The following PCDH10 variants were observed in gnomAD, a reference collection of about 807,000 sequenced individuals.
The protein encoded by PCDH10 is protocadherin 10, also known as protocadherin-10.
PCDH10 carries 15 observed loss-of-function variants against 74.4 expected under a neutral mutation model. The ratio of observed to expected loss-of-function variants is 0.20; its 90% CI spans 0.13 to 0.31. PCDH10 has a LOEUF of 0.31. Among genes scored for constraint, PCDH10 ranks in the 10% least tolerant of loss-of-function variants. The pLI is 1.00. For missense variants in PCDH10, 1,260 were observed against 1,390.2 expected (o/e 0.91, Z 1.49); for synonymous variants, 619 against 589.8 (o/e 1.05, Z -0.72).
Position 133,151,426 on chromosome 4 carries a change from A to G in PCDH10, c.1286A>G (p.Tyr429Cys). 2 of 1,613,944 alleles carry G rather than the reference A, an allele frequency of 1.2e-6. No homozygotes were observed. The highest frequency in any genetic ancestry group is 1.7e-6 in the Non-Finnish European group (2 of 1,180,002). ...CTGGACCGAGAGGCGGGGGACTCCT[A>G]CACCCTGACTGTAGTGGCTCGGGAC... ...APLDREAGDS[Y>C]TLTVVARDRG... Residue 429 changes from tyrosine to cysteine, a missense_variant, in exon 1 of 5, where the codon TAC becomes TGC. This residue lies in a region of PCDH10 where 112 missense variants were observed against 123.6 expected (regional missense o/e 0.91). Coordinates refer to ENST00000264360, the MANE Select transcript of PCDH10 (RefSeq NM_032961.3).
chr4:133,173,244 G>C (rs890532622), intron 4 of PCDH10, among the ~76,000 whole-genome samples: 1 of 151,864 alleles, frequency 6.6e-6, no homozygotes, highest in African/African-American at 2.4e-5. Flanking sequence ...ATGGCTCAAG[G>C]AATTCTGAAT....
downstream of PCDH10, among the ~76,000 whole-genome samples, chr4:133,198,640 T>C (rs1039995433): frequency 1.3e-5 from 2 of 152,146 alleles, no homozygotes; most frequent in Non-Finnish European, 2.9e-5. Flanking sequence ...GGTGTACTTA[T>C]AACTTTAGAA....
chr4:133,153,002 T>G, intron 1 of PCDH10: 1 of 1,437,594 alleles, frequency 7.0e-7, no homozygotes, highest in Non-Finnish European at 9.1e-7. Flanking sequence ...CCTTGGTACT[T>G]TGCCACCTTG....
chr4:133,166,526 T>C (rs574259186), intron 4 of PCDH10, among the ~76,000 whole-genome samples: 1 of 151,600 alleles, frequency 6.6e-6, no homozygotes, highest in African/African-American at 2.4e-5. Flanking sequence ...ATAATCTCCA[T>C]AAATAAAAAT....
intron 2 of PCDH10, among the ~76,000 whole-genome samples, chr4:133,204,899 A>G (rs1041432682): frequency 4.6e-5 from 7 of 152,284 alleles, no homozygotes; most frequent in Admixed American, 4.6e-4. Flanking sequence ...TCTGCACAGG[A>G]CCACTTGGAG....
Position 133,151,493 on chromosome 4 carries a change from A to G in PCDH10, c.1353A>G (p.Val451=). Residue 451 remains valine, a synonymous_variant, in exon 1 of 5, where the codon GTA becomes GTG. Coordinates refer to ENST00000264360, the MANE Select transcript of PCDH10 (RefSeq NM_032961.3). ...PALSTSKSIQ[V]QVSDVNDNAP... is the part of the protein sequence containing the mutation. The stretch of plus-strand genomic sequence containing the variant: ...TCTCCACCAGTAAGTCGATCCAGGT[A>G]CAAGTGTCGGATGTGAACGACAACG... 6.2e-7 allele frequency: 1 copy of G among 1,613,896 alleles called. No individual in the cohort carries two copies. The highest frequency in any genetic ancestry group is 1.1e-5 in the South Asian group (1 of 91,072).
chr4:133,207,698 G>A (rs1448381449), intron 2 of PCDH10, among the ~76,000 whole-genome samples: 1 of 152,028 alleles, frequency 6.6e-6, no homozygotes, highest in African/African-American at 2.4e-5. Flanking sequence ...TATATTTGGA[G>A]AACAATATAT....
chr4:133,183,979 TA>T (rs556135872), intron 4 of PCDH10, among the ~76,000 whole-genome samples: 60 of 152,276 alleles, frequency 3.9e-4, no homozygotes, highest in African/African-American at 1.4e-3. Context: ...TCCCTGGATT[TA>T]AATTTTAATT....
chr4:133,187,623 A>G (rs1727570674), intron 4 of PCDH10, among the ~76,000 whole-genome samples: 1 of 152,118 alleles, frequency 6.6e-6, no homozygotes, highest in Non-Finnish European at 1.5e-5. Flanking sequence ...AGTAAATTTA[A>G]TAATAGGTGA....
chr4:133,154,231 TTCCTAACC>T, intron 1 of PCDH10, 68 bp from the exon 2 acceptor site: 2 of 876,076 alleles, frequency 2.3e-6, no homozygotes, highest in South Asian at 3.0e-5. Context: ...CTAGATATAG[TTCCTAACC>T]TCAAAAGTAG....
chr4:133,196,489 G>A (rs1015983792), downstream of PCDH10, among the ~76,000 whole-genome samples: 3 of 152,160 alleles, frequency 2.0e-5, no homozygotes, highest in Non-Finnish European at 2.9e-5. Context: ...ATCTCAAGCA[G>A]TGATCTTAGG....
downstream of PCDH10, among the ~76,000 whole-genome samples, chr4:133,198,764 T>C (rs1314383810): frequency 6.6e-6 from 1 of 152,234 alleles, no homozygotes; most frequent in African/African-American, 2.4e-5. Flanking sequence ...TTATTGGTTA[T>C]AGATGTTGCT....
chr4:133,175,098 T>G (rs1422314626), intron 4 of PCDH10, among the ~76,000 whole-genome samples: 1 of 152,026 alleles, frequency 6.6e-6, no homozygotes, highest in Non-Finnish European at 1.5e-5. Context: ...ACCTTTATTT[T>G]TTTCAAGGAA....
Position 133,151,071 on chromosome 4 carries a change from G to A in PCDH10, c.931G>A (p.Glu311Lys). The A allele has an allele frequency of 1.2e-6, 2 of 1,614,112 alleles. No individual in the cohort carries two copies. Among genetic ancestry groups the A allele is most frequent in the African/African-American group, 2.7e-5 (2 of 75,070 alleles). The change falls in exon 1 of 5, where the codon GAG (glutamate) becomes AAG (lysine). Residue 311 changes from glutamate to lysine, a missense_variant. Coordinates refer to ENST00000264360, the MANE Select transcript of PCDH10 (RefSeq NM_032961.3). Reference protein sequence around the residue: ...FGLSPRTGRLEVSGELDYEES... With the variant: ...FGLSPRTGRLKVSGELDYEES... The stretch of plus-strand genomic sequence containing the variant: ...ACTCTCGCCGCGCACTGGCAGACTG[G>A]AGGTAAGCGGCGAGTTGGACTATGA...
rs541753088 is a variant in PCDH10 at position 133,153,128 on chromosome 4, C to T, written c.2631+357C>T. The T allele has an allele frequency of 8.8e-6, 11 of 1,255,090 alleles. No individual in the cohort carries two copies. The South Asian group carries it at 2.5e-4, about 28-fold the overall frequency. The allele number at this position is 1,255,090 out of a possible 1,614,324, so 77.7% of individuals were successfully genotyped here. A position where few individuals can be genotyped will look rare whatever the true frequency, so the allele number is the denominator to read the frequency against. On this transcript the variant is annotated intron_variant, in intron 1 of 4. Transcript: ENST00000264360. ...TGTGGAGGAGGGACTTACTTTCTAG[C>T]ACTGGCAAAGGTCTTTTTTCTTTGC...
chr4:133,171,698 A>G (rs1727206623), intron 4 of PCDH10, among the ~76,000 whole-genome samples: 1 of 152,180 alleles, frequency 6.6e-6, no homozygotes, highest in South Asian at 2.1e-4. Context: ...TTAATGTTAC[A>G]GCTTGGCAGT....
chr4:133,176,974 C>CA lies in PCDH10; in HGVS notation c.3104-13158dup, dbSNP rs11309914. Among the ~76,000 whole-genome samples the CA allele has an allele frequency of 6.0e-5, 9 of 149,534 alleles. No individual in the cohort carries two copies. The East Asian group carries it at 9.8e-4, about 16-fold the overall frequency. ...AATAAAGGATTTCTATTTGCTCAGG[C>CA]AAAAAAAAATTAAAATAATGAAAAT... On this transcript the variant is annotated intron_variant, in intron 4 of 4. Coordinates refer to ENST00000264360, the MANE Select transcript of PCDH10 (RefSeq NM_032961.3).
intron 2 of PCDH10, among the ~76,000 whole-genome samples, chr4:133,201,681 AC>A (rs1426283335): frequency 6.6e-6 from 1 of 151,540 alleles, no homozygotes; most frequent in Non-Finnish European, 1.5e-5. Context: ...ACACAGAGAA[AC>A]CCCGTCTCTA....
chr4:133,185,192 A>G (rs987083578), intron 4 of PCDH10, among the ~76,000 whole-genome samples: 6 of 148,556 alleles, frequency 4.0e-5, no homozygotes, highest in African/African-American at 1.2e-4. Context: ...ATATAAATAT[A>G]TATATTTAAA....
Sources: gnomAD v4.1 joint callset for allele counts (sites outside exome capture counted in the v4.1 genomes callset) on GRCh38, gnomAD v4.1.1 for gene constraint, gnomAD v4.1.1 regional missense constraint, MANE v1.5 for transcripts, NCBI Gene and HGNC (gene_info 2026-07-23, HGNC 2026-07-21) for gene names.